Variants in ROBO2 observed in about 807,000 individuals in gnomAD.
The protein encoded by ROBO2 is roundabout homolog 2.
Under a neutral mutation model 160.8 loss-of-function variants are expected in ROBO2, and 53 were observed. The observed-to-expected ratio is 0.33, with a 90% CI of 0.26 to 0.41. The LOEUF (loss-of-function observed/expected upper bound fraction) is 0.41, where lower values mean the gene tolerates loss of function less well. Ranked by LOEUF, ROBO2 falls within the 10% of genes least tolerant of loss-of-function variation. ROBO2 has a pLI of 1.00. For synonymous variants in ROBO2, 664 were observed against 611.7 expected (o/e 1.09, Z -1.26); for missense variants, 1,577 against 1,722.4 (o/e 0.92, Z 1.49).
intron 2 of ROBO2, among the ~76,000 whole-genome samples, chr3:76,308,971 A>G (rs898143901): frequency 6.6e-6 from 1 of 152,210 alleles, no homozygotes; most frequent in Non-Finnish European, 1.5e-5. Context: ...TTTCAGAAAA[A>G]TTCAACAATT....
chr3:77,646,080 T>A, exon 26 of ROBO2: 3 of 1,586,382 alleles, frequency 1.9e-6, no homozygotes, highest in Non-Finnish European at 1.7e-6. Context: ...CATACAAAGC[T>A]GCTCTGAAGG....
At chr3:76,470,388 G>C (rs1344043882) in intron 2 of ROBO2, among the ~76,000 whole-genome samples, 1 of 152,086 alleles carries the variant, frequency 6.6e-6, no homozygotes, top group East Asian at 1.9e-4. Flanking sequence ...CCTTTACAGG[G>C]TTGCAGTTAG....
chr3:77,611,170 C>T (rs564007737), intron 21 of ROBO2, among the ~76,000 whole-genome samples: 24 of 151,816 alleles, frequency 1.6e-4, no homozygotes, highest in Non-Finnish European at 2.9e-4. Context: ...AGGTGGCGGC[C>T]GCCTGTAGTC....
chr3:77,319,119 A>G (rs923526860), intron 2 of ROBO2, among the ~76,000 whole-genome samples: 1 of 152,252 alleles, frequency 6.6e-6, no homozygotes, highest in African/African-American at 2.4e-5. Context: ...TGCTCTTACC[A>G]TATTGACAAT....
In ROBO2 at chr3:77,098,199, A is replaced by T. The variant is rs2071360767; in HGVS notation, c.247A>T (p.Met83Leu). 1.4e-5 allele frequency: 22 copies of T among 1,614,160 alleles called. No individual in the cohort carries two copies. The highest frequency in any genetic ancestry group is 1.8e-5 in the Non-Finnish European group (21 of 1,180,042). ...CAAGGACGATCCCCGGTCCCACAGGATGCTTCTGCCCAGCGGATCCTTATT... is the reference window on the plus strand; with the variant it reads ...CAAGGACGATCCCCGGTCCCACAGGTTGCTTCTGCCCAGCGGATCCTTATT... Residue 83 changes from methionine (M) to leucine (L), a missense_variant, in exon 2 of 26, where the codon ATG becomes TTG. Around this residue, in one of 2 missense-constraint regions of ROBO2, gnomAD observed 940 missense variants for 1,135.5 expected, o/e 0.83. Transcript: ENST00000461745.
chr3:76,784,326 G>C (rs1429300597), intron 2 of ROBO2, among the ~76,000 whole-genome samples: 1 of 151,086 alleles, frequency 6.6e-6, no homozygotes, highest in African/African-American at 2.4e-5. Context: ...TTTCCCATGA[G>C]TATATCTGCT....
intron 2 of ROBO2, among the ~76,000 whole-genome samples, chr3:77,249,452 T>G (rs1214820567): frequency 2.0e-5 from 3 of 152,192 alleles, no homozygotes; most frequent in Non-Finnish European, 2.9e-5. Context: ...TGTAGGAATT[T>G]GCATAGAAAA....
chr3:77,380,689 CTCCCTCCT>C (rs2073331919), intron 2 of ROBO2, among the ~76,000 whole-genome samples: 1 of 149,350 alleles, frequency 6.7e-6, no homozygotes, highest in Non-Finnish European at 1.5e-5. Flanking sequence ...CCTTCCCTCC[CTCCCTCCT>C]TCCCTCCCTT....
chr3:77,365,529 T>C (rs1178845311), intron 2 of ROBO2, among the ~76,000 whole-genome samples: 1 of 152,172 alleles, frequency 6.6e-6, no homozygotes, highest in Non-Finnish European at 1.5e-5. Flanking sequence ...TATACCCTTG[T>C]CTAAGTCACT....
At chr3:76,302,432 A>G (rs1709407544) in intron 2 of ROBO2, among the ~76,000 whole-genome samples, 1 of 152,070 alleles carries the variant, frequency 6.6e-6, no homozygotes, top group Non-Finnish European at 1.5e-5. Flanking sequence ...TCATTTAACT[A>G]GAAACAGAAC....
intron 2 of ROBO2, among the ~76,000 whole-genome samples, chr3:76,815,505 A>G (rs2065588563): frequency 6.6e-6 from 1 of 152,004 alleles, no homozygotes; most frequent in Admixed American, 6.6e-5. Flanking sequence ...AAAATATTGT[A>G]CCCAGCGTAG....
At chr3:76,382,121 A>G (rs1327967779) in intron 2 of ROBO2, among the ~76,000 whole-genome samples, 1 of 152,076 alleles carries the variant, frequency 6.6e-6, no homozygotes, top group Non-Finnish European at 1.5e-5. Context: ...GTGCACCAAT[A>G]TGCCTGGCTA....
At chr3:76,785,899 A>C (rs1234301448) in intron 2 of ROBO2, among the ~76,000 whole-genome samples, 1 of 151,336 alleles carries the variant, frequency 6.6e-6, no homozygotes, top group Non-Finnish European at 1.5e-5. Flanking sequence ...AAAAATACTT[A>C]ACATTTGTTC....
chr3:76,812,402 A>C (rs964324479), intron 2 of ROBO2, among the ~76,000 whole-genome samples: 20 of 150,144 alleles, frequency 1.3e-4, no homozygotes, highest in African/African-American at 4.9e-4. Context: ...AAAGACCATG[A>C]GTATTTGAGC....
At chr3:76,973,113 C>T (rs2059650146) in intron 2 of ROBO2, among the ~76,000 whole-genome samples, 1 of 152,098 alleles carries the variant, frequency 6.6e-6, no homozygotes, top group Non-Finnish European at 1.5e-5. Flanking sequence ...AAACAGAGGC[C>T]CCAGAAGGAA....
chr3:76,415,762 C>T (rs940761320), intron 2 of ROBO2, among the ~76,000 whole-genome samples: 1 of 152,028 alleles, frequency 6.6e-6, no homozygotes, highest in Non-Finnish European at 1.5e-5. Context: ...ATCTTTTATG[C>T]CACTTTCATT....
At chr3:77,400,009 T>C (rs2075648294) in intron 2 of ROBO2, among the ~76,000 whole-genome samples, 1 of 151,962 alleles carries the variant, frequency 6.6e-6, no homozygotes, top group Non-Finnish European at 1.5e-5. Flanking sequence ...GTGGATTGTA[T>C]AGGAAAAGGG....
chr3:76,057,752 T>A (rs2067903885), intron 2 of ROBO2, among the ~76,000 whole-genome samples: 1 of 151,728 alleles, frequency 6.6e-6, no homozygotes, highest in African/African-American at 2.4e-5. Context: ...TTGTCTTATC[T>A]TTCCTTGTTG....
chr3:76,126,616 G>A (rs1281787683), intron 2 of ROBO2, among the ~76,000 whole-genome samples: 5 of 152,012 alleles, frequency 3.3e-5, no homozygotes, highest in Admixed American at 1.3e-4. Context: ...TTAAGGCATT[G>A]CATTCATGAC....
Sources: allele counts gnomAD v4.1 joint callset (sites outside exome capture counted in the v4.1 genomes callset), GRCh38; gene constraint gnomAD v4.1.1; regional missense constraint gnomAD v4.1.1; transcripts MANE v1.5; gene names NCBI Gene and HGNC (gene_info 2026-07-23, HGNC 2026-07-21).